The following RASGEF1B variants were observed in gnomAD, a reference collection of about 807,000 sequenced individuals.
RASGEF1B encodes the protein ras-GEF domain-containing family member 1B.
In RASGEF1B, 30 loss-of-function variants were observed where a neutral mutation model predicts 65.7. The ratio of observed to expected loss-of-function variants is 0.46; its 90% confidence interval spans 0.34 to 0.62. The LOEUF is 0.62. Among genes scored for constraint, RASGEF1B ranks in the 20% least tolerant of loss-of-function variants. RASGEF1B has a pLI of 0.01. For synonymous variants in RASGEF1B, 175 were observed against 194.8 expected (o/e 0.90, Z 0.85); for missense variants, 495 against 580.1 (o/e 0.85, Z 1.51).
intron 1 of RASGEF1B, among the ~76,000 whole-genome samples, chr4:81,471,392 C>G (rs1484855802): frequency 4.6e-5 from 7 of 152,228 alleles, no homozygotes. Flanking sequence ...GACAGAAGGC[C>G]TGGCTGCAGG....
chr4:81,447,773 G>A (rs1722086470), intron 5 of RASGEF1B, among the ~76,000 whole-genome samples, 195 bp from the exon 6 acceptor site: 1 of 152,154 alleles, frequency 6.6e-6, no homozygotes, highest in African/African-American at 2.4e-5. Context: ...TGTTCCACAA[G>A]ATAGTGAAAG....
intron 1 of RASGEF1B, among the ~76,000 whole-genome samples, chr4:81,463,286 A>G (rs557079505): frequency 6.6e-6 from 1 of 152,366 alleles, no homozygotes; most frequent in African/African-American, 2.4e-5. Context: ...TCATCAAGAC[A>G]TAGAGATTCC....
chr4:81,431,250 A>AAT (rs113190467), intron 13 of RASGEF1B, among the ~76,000 whole-genome samples: 3,598 of 146,942 alleles, frequency 0.024, 136 homozygotes, highest in African/African-American at 0.079. Context: ...TATTTTATAT[A>AAT]ATATATATAT....
At chr4:81,435,776 T>TC (rs1158025494) in intron 10 of RASGEF1B, among the ~76,000 whole-genome samples, 2 of 133,546 alleles carry the variant, frequency 1.5e-5, no homozygotes, top group Non-Finnish European at 3.2e-5. Context: ...CGCCTGGCCT[T>TC]TTTTTTTTTT....
intron 1 of RASGEF1B, among the ~76,000 whole-genome samples, chr4:81,466,814 G>GAAAGAA (rs1722849629): frequency 1.4e-5 from 2 of 143,488 alleles, no homozygotes; most frequent in Non-Finnish European, 3.0e-5. Flanking sequence ...AAGAAAGAAA[G>GAAAGAA]AAAGAAAGAA....
chr4:81,445,884 A>C, intron 6 of RASGEF1B, 46 bp from the exon 7 acceptor site: 2 of 1,388,850 alleles, frequency 1.4e-6, no homozygotes, highest in South Asian at 2.4e-5. Context: ...GAAAAAAACA[A>C]TGTAGTGGAC....
intron 1 of RASGEF1B, among the ~76,000 whole-genome samples, chr4:81,467,589 G>C (rs758043851): frequency 6.6e-6 from 1 of 152,124 alleles, no homozygotes; most frequent in South Asian, 2.1e-4. Context: ...ATGGCTCCTC[G>C]TTCCTTGTCT....
At chr4:81,428,328 G>A (rs1429862851) in intron 13 of RASGEF1B, among the ~76,000 whole-genome samples, 1 of 152,026 alleles carries the variant, frequency 6.6e-6, no homozygotes. Flanking sequence ...ATGTATAAAA[G>A]TTTTCAGGTA....
chr4:81,453,121 C>G (rs899648282), intron 4 of RASGEF1B: 3 of 152,018 alleles, frequency 2.0e-5, no homozygotes. Flanking sequence ...TTCATTCATT[C>G]ATTGATTGAC....
In RASGEF1B at chr4:81,433,893, C is replaced by T; in HGVS notation, c.1271G>A (p.Arg424Lys). ...TWKQVECPFE[R>K]DRKILQYLLT... ...CAGATACTGCAAGATCTTCCGGTCC[C>T]TCTCAAATGGACACTCCACTTGTTT... is the stretch of plus-strand genomic sequence containing the variant. The change falls in exon 12 of 14, where the codon AGG becomes AAG. Residue 424 changes from arginine (R) to lysine (K), a missense_variant. Physicochemically the swap from Arg to Lys is conservative, Grantham distance 26. Transcript: ENST00000264400. The T allele has an allele frequency of 1.2e-6, 2 of 1,613,982 alleles. No individual in the cohort carries two copies. Among genetic ancestry groups the T allele is most frequent in the East Asian group, 2.2e-5 (1 of 44,872 alleles).
rs182967285 is a variant in RASGEF1B, at chr4:81,435,677, G to A, written c.1105-943C>T. ...TTTTTAGTAGAGACAGGGTTTCACC[G>A]TGTTAGCCAGGATGGTCTCGATCTC... On this transcript the variant is annotated intron_variant, in intron 10 of 13. Transcript: ENST00000264400. Among the ~76,000 whole-genome samples the A allele has an allele frequency of 1.1e-3, 169 of 148,026 alleles. 1 individual carries two copies. The highest frequency in any genetic ancestry group is 1.5e-3 in the Non-Finnish European group (103 of 67,162).
At chr4:81,436,661 T>C (rs1170377421) in intron 10 of RASGEF1B, among the ~76,000 whole-genome samples, 1 of 152,238 alleles carries the variant, frequency 6.6e-6, no homozygotes, top group Non-Finnish European at 1.5e-5. Context: ...CCTATCTTGT[T>C]TCCCCAAAGT....
chr4:81,434,619 T>A lies in RASGEF1B; in HGVS notation c.1200+20A>T, dbSNP rs1477806541. ...CTCTCCTTGTGCTTGGATTTTTGTA[T>A]CCTACTTTATCACACTCACCTCAAA... On this transcript the variant is annotated intron_variant, in intron 11 of 13. Transcript: ENST00000264400. 3 of 1,461,206 alleles carry A rather than the reference T, an allele frequency of 2.1e-6. No homozygotes were observed. Among genetic ancestry groups the A allele is most frequent in the Non-Finnish European group, 2.9e-6 (3 of 1,040,580 alleles). The allele number at this position is 1,461,206 out of a possible 1,614,324, so 90.5% of individuals were successfully genotyped here. A position where few individuals can be genotyped will look rare whatever the true frequency, so the allele number is the denominator to read the frequency against.
intron 1 of RASGEF1B, among the ~76,000 whole-genome samples, chr4:81,465,096 A>AAAAAAAAAAAAAAAAAG (rs1314548474): frequency 6.6e-6 from 1 of 151,924 alleles, no homozygotes. Flanking sequence ...AAAAAAAAAA[A>AAAAAAAAAAAAAAAAAG]AAAGAAAGAA....
intron 8 of RASGEF1B, among the ~76,000 whole-genome samples, chr4:81,443,005 T>C (rs1214992498): frequency 6.6e-6 from 1 of 152,216 alleles, no homozygotes; most frequent in African/African-American, 2.4e-5. Context: ...TAAAAGAATA[T>C]GCTAAAGTTC....
chr4:81,451,899 T>G (rs964027585), intron 4 of RASGEF1B: 2 of 152,180 alleles, frequency 1.3e-5, no homozygotes, highest in African/African-American at 4.8e-5. Flanking sequence ...AATTACCACT[T>G]CTATTCAGGG....
chr4:81,453,267 A>T (rs1027142864), intron 4 of RASGEF1B: 2 of 152,154 alleles, frequency 1.3e-5, no homozygotes, highest in African/African-American at 4.8e-5. Context: ...AAGTACAGTC[A>T]TCCCTCAGTA....
chr4:81,452,969 T>G (rs970225708), intron 4 of RASGEF1B: 5 of 143,450 alleles, frequency 3.5e-5, no homozygotes, highest in African/African-American at 1.3e-4. Context: ...AAATTATATA[T>G]ACGGCACACC....
intron 11 of RASGEF1B, 47 bp downstream of exon 11, chr4:81,434,592 C>T: frequency 9.3e-7 from 1 of 1,073,228 alleles, no homozygotes; most frequent in Non-Finnish European, 1.5e-6. Context: ...GAGAAGCTGC[C>T]CCTCTCCTTG....
Sources: gnomAD v4.1 joint callset for allele counts (sites outside exome capture counted in the v4.1 genomes callset) on GRCh38, gnomAD v4.1.1 for gene constraint, MANE v1.5 for transcripts, NCBI Gene and HGNC (gene_info 2026-07-23, HGNC 2026-07-21) for gene names.